TBC1D30: variants seen among roughly 807,000 people sequenced by gnomAD.
TBC1D30 encodes the protein TBC1 domain family, member 30.
Under a neutral mutation model 63.2 loss-of-function variants are expected in TBC1D30, and 31 were observed. The ratio of observed to expected loss-of-function variants is 0.49; its 90% CI spans 0.37 to 0.66. The LOEUF (loss-of-function observed/expected upper bound fraction) is 0.66. TBC1D30 is among the 30% of genes least tolerant of loss of function. The pLI is 0.00. For missense variants in TBC1D30, 810 were observed against 953.6 expected (o/e 0.85, Z 1.98); for synonymous variants, 307 against 361.5 (o/e 0.85, Z 1.71).
At chr12:64,786,948 AAAAAATAAATAAAT>A (rs1273221450) in intron 2 of TBC1D30, among the ~76,000 whole-genome samples, 2 of 152,000 alleles carry the variant, frequency 1.3e-5, no homozygotes, top group Admixed American at 6.5e-5. Context: ...CATCTCAAAA[AAAAAATAAATAAAT>A]AAAAATAAAA....
At chr12:64,823,111 CTT>C (rs1437901216), upstream of TBC1D30, among the ~76,000 whole-genome samples, 1 of 151,952 alleles carries the variant, frequency 6.6e-6, no homozygotes, top group Non-Finnish European at 1.5e-5. Flanking sequence ...TTAAAGAAAA[CTT>C]AATTACTTTG....
At chr12:64,835,790 G>A (rs2136383437) in intron 5 of TBC1D30, among the ~76,000 whole-genome samples, 1 of 152,224 alleles carries the variant, frequency 6.6e-6, no homozygotes, top group Non-Finnish European at 1.5e-5. Flanking sequence ...AAAGAACCAG[G>A]GATTGACATA....
intron 8 of TBC1D30, among the ~76,000 whole-genome samples, chr12:64,862,435 A>G (rs1344157692): frequency 6.6e-6 from 1 of 152,232 alleles, no homozygotes; most frequent in Admixed American, 6.5e-5. Flanking sequence ...TGAAAGTGCA[A>G]TGGAGCTAGT....
upstream of TBC1D30, among the ~76,000 whole-genome samples, chr12:64,821,057 TAAAGA>T (rs1027019096): frequency 6.6e-6 from 1 of 152,210 alleles, no homozygotes. Flanking sequence ...TCACTACTAG[TAAAGA>T]AAAGTATTAC....
At chr12:64,851,867 T>C (rs777468024) in intron 8 of TBC1D30, among the ~76,000 whole-genome samples, 28 of 152,220 alleles carry the variant, frequency 1.8e-4, no homozygotes, top group Non-Finnish European at 3.5e-4. Context: ...TTCTGGCTTG[T>C]AGGGTTTCTG....
intron 5 of TBC1D30, among the ~76,000 whole-genome samples, chr12:64,834,955 T>C (rs922760236): frequency 1.3e-5 from 2 of 152,122 alleles, no homozygotes; most frequent in Admixed American, 6.6e-5. Flanking sequence ...GTCTTATCCT[T>C]AGATGAAAAA....
chr12:64,797,619 A>G (rs897254503), intron 2 of TBC1D30, among the ~76,000 whole-genome samples: 9 of 151,974 alleles, frequency 5.9e-5, no homozygotes, highest in African/African-American at 2.2e-4. Context: ...CAATCCTATG[A>G]TATTTCTTTA....
intron 1 of TBC1D30, among the ~76,000 whole-genome samples, chr12:64,774,133 G>A (rs996015587): frequency 4.6e-5 from 7 of 152,174 alleles, no homozygotes; most frequent in African/African-American, 1.7e-4. Flanking sequence ...CACACTGTAA[G>A]AATTTCATAA....
intron 2 of TBC1D30, among the ~76,000 whole-genome samples, chr12:64,797,788 C>T (rs1322440612): frequency 6.6e-6 from 1 of 152,186 alleles, no homozygotes; most frequent in Admixed American, 6.5e-5. Flanking sequence ...TCCTCTGAAC[C>T]TCGAGATGAA....
intron 4 of TBC1D30, among the ~76,000 whole-genome samples, chr12:64,831,543 A>G (rs892693355): frequency 1.3e-5 from 2 of 152,218 alleles, no homozygotes; most frequent in African/African-American, 2.4e-5. Context: ...GTTCCTGCTT[A>G]GTAATTAAAT....
intron 1 of TBC1D30, among the ~76,000 whole-genome samples, chr12:64,769,382 T>A (rs931271075): frequency 7.1e-6 from 1 of 140,564 alleles, no homozygotes; most frequent in African/African-American, 2.6e-5. Context: ...ATTTTTGTAA[T>A]TTTTTTTTTT....
chr12:64,779,712 A>G (rs899576477), upstream of TBC1D30, among the ~76,000 whole-genome samples: 2 of 152,192 alleles, frequency 1.3e-5, no homozygotes, highest in African/African-American at 4.8e-5. Context: ...TCCATAATGA[A>G]AGCCAGACAC....
intron 4 of TBC1D30, 56 bp from the exon 5 acceptor site, chr12:64,832,063 G>T (rs1874915966): frequency 7.2e-6 from 10 of 1,397,716 alleles, no homozygotes; most frequent in Non-Finnish European, 9.5e-6. Flanking sequence ...AAAAGGTATT[G>T]TTTTGGAAAG....
chr12:64,863,505 A>T (rs1006949167), intron 8 of TBC1D30, among the ~76,000 whole-genome samples: 1 of 152,244 alleles, frequency 6.6e-6, no homozygotes, highest in Non-Finnish European at 1.5e-5. Flanking sequence ...TTATGTTTGC[A>T]GTCCCTATAA....
intron 1 of TBC1D30, among the ~76,000 whole-genome samples, chr12:64,770,796 C>T (rs185254075): frequency 2.3e-4 from 35 of 151,934 alleles, no homozygotes; most frequent in African/African-American, 5.6e-4. Context: ...CTCCGCCTCC[C>T]GGGCTCAAGC....
chr12:64,805,697 G>C (rs1197982324), intron 2 of TBC1D30, among the ~76,000 whole-genome samples: 1 of 152,124 alleles, frequency 6.6e-6, no homozygotes, highest in Admixed American at 6.5e-5. Flanking sequence ...GTCGGGCGTG[G>C]TGGCGGGCAC....
intron 2 of TBC1D30, among the ~76,000 whole-genome samples, chr12:64,795,758 T>C (rs1300506912): frequency 6.6e-6 from 1 of 151,790 alleles, no homozygotes; most frequent in Non-Finnish European, 1.5e-5. Context: ...GATTTAAAAA[T>C]TATCTTTACA....
At position 64,875,495 on chromosome 12, in the gene TBC1D30, G is replaced by A. The variant is rs1450658376; in HGVS notation, c.1993G>A (p.Asp665Asn). Residue 665 changes from aspartate to asparagine, a missense_variant, in exon 12 of 12, where the codon GAT becomes AAT. Physicochemically the swap from Asp to Asn is conservative, Grantham distance 23. Around this residue, in one of 4 missense-constraint regions of TBC1D30, gnomAD observed 450 missense variants for 473.0 expected, o/e 0.95. Transcript: ENST00000539867. ...GGGAGCCCTGGAACTGAACCAGAGG[G>A]ATGCTGCAGCTGAAACTGAGCTCAG... ...KLGALELNQR[D>N]AAAETELRVH... The A allele has an allele frequency of 1.3e-6, 2 of 1,536,172 alleles. No individual in the cohort carries two copies. The highest frequency in any genetic ancestry group is 3.9e-5 in the Admixed American group (2 of 51,000).
intron 1 of TBC1D30, among the ~76,000 whole-genome samples, chr12:64,827,138 C>A (rs553308222): frequency 1.1e-4 from 17 of 152,258 alleles, no homozygotes; most frequent in African/African-American, 4.1e-4. Context: ...GGTCCTTGAA[C>A]TTTTGGGCAA....
Sources: gnomAD v4.1 joint callset for allele counts (sites outside exome capture counted in the v4.1 genomes callset) on GRCh38, gnomAD v4.1.1 for gene constraint, gnomAD v4.1.1 regional missense constraint, MANE v1.5 for transcripts, NCBI Gene and HGNC (gene_info 2026-07-23, HGNC 2026-07-21) for gene names.